The following COL4A4 variants were observed in gnomAD, a reference collection of about 807,000 sequenced individuals.
COL4A4 encodes the protein collagen type IV alpha 4 chain, also known as collagen alpha-4(IV) chain.
A neutral mutation model predicts 192.9 loss-of-function variants in COL4A4; 105 were observed. The observed-to-expected ratio is 0.54, with a 90% confidence interval of 0.46 to 0.64. COL4A4 has a LOEUF of 0.64. Among genes scored for constraint, COL4A4 ranks in the 30% least tolerant of loss-of-function variants. The pLI is 0.00. For synonymous variants in COL4A4, 762 were observed against 769.9 expected (o/e 0.99, Z 0.17); for missense variants, 1,967 against 2,169.3 (o/e 0.91, Z 1.85).
rs766803051 is a variant in COL4A4, at chr2:227,030,434, C to T, written c.3973+9G>A. On this transcript the variant is annotated intron_variant, in intron 41 of 47. Transcript: ENST00000396625. ...ATTCACATATTACTTAACGGAACAA[C>T]ATTCATACCTTTCTGGCCATCTTTT... is the stretch of plus-strand genomic sequence containing the variant. The T allele has an allele frequency of 1.9e-6, 3 of 1,614,038 alleles. No individual in the cohort carries two copies. The highest frequency in any genetic ancestry group is 2.5e-6 in the Non-Finnish European group (3 of 1,179,938).
At chr2:227,015,183 G>A (rs940894537) in intron 44 of COL4A4, among the ~76,000 whole-genome samples, 25 of 152,240 alleles carry the variant, frequency 1.6e-4, no homozygotes, top group Non-Finnish European at 3.1e-4. Flanking sequence ...TTACAGGTGT[G>A]AGCCACCACA....
intron 36 of COL4A4, among the ~76,000 whole-genome samples, chr2:227,042,560 A>AAAAC (rs146714657): frequency 2.6e-5 from 4 of 152,052 alleles, no homozygotes; most frequent in East Asian, 1.9e-4. Flanking sequence ...AAAGGAGGGG[A>AAAAC]AAACAAACAA....
intron 4 of COL4A4, among the ~76,000 whole-genome samples, chr2:227,137,974 C>A (rs1207509260): frequency 6.6e-6 from 1 of 152,010 alleles, no homozygotes; most frequent in Non-Finnish European, 1.5e-5. Context: ...TTTCTTGAAG[C>A]TTCACTTTTA....
chr2:227,010,346 C>T lies in COL4A4; in HGVS notation c.4489G>A (p.Glu1497Lys), dbSNP rs1263829643. Reference sequence around the variant, plus strand: ...TGATTGTGAGCTTTCTCTTGCCCTTCCAGGTATAACAGACTATACCCAGTC... The same window carrying T: ...TGATTGTGAGCTTTCTCTTGCCCTTTCAGGTATAACAGACTATACCCAGTC... ...LWTGYSLLYL[E>K]GQEKAHNQDL... is the part of the protein sequence containing the mutation. The change falls in exon 46 of 48, where the codon GAA (glutamate) becomes AAA (lysine). Residue 1497 changes from glutamate (E) to lysine (K), a missense_variant. By Grantham distance (56) the Glu-to-Lys change is moderately conservative (BLOSUM62 1). Coordinates refer to ENST00000396625, the MANE Select transcript of COL4A4 (RefSeq NM_000092.5). The T allele has an allele frequency of 6.2e-7, 1 of 1,614,132 alleles. No individual in the cohort carries two copies. The highest frequency in any genetic ancestry group is 1.3e-5 in the African/African-American group (1 of 74,948).
At chr2:227,117,896 G>A (rs2061577964) in intron 7 of COL4A4, among the ~76,000 whole-genome samples, 1 of 151,884 alleles carries the variant, frequency 6.6e-6, no homozygotes, top group Non-Finnish European at 1.5e-5. Context: ...ATATTTTTTT[G>A]CATTACAGGG....
At chr2:227,022,986 A>G (rs896654543) in intron 43 of COL4A4, among the ~76,000 whole-genome samples, 1 of 152,184 alleles carries the variant, frequency 6.6e-6, no homozygotes, top group African/African-American at 2.4e-5. Context: ...TAGGGCTGAA[A>G]GCACAGTTGG....
the COL4A4 span, among the ~76,000 whole-genome samples, chr2:226,991,153 G>C: frequency 6.6e-6 from 1 of 152,192 alleles, no homozygotes; most frequent in Admixed American, 6.5e-5. Context: ...ATTGAGCTCT[G>C]TATTTTAAGA....
chr2:226,974,581 T>C, the COL4A4 span, among the ~76,000 whole-genome samples: 2 of 152,196 alleles, frequency 1.3e-5, no homozygotes, highest in African/African-American at 2.4e-5. Context: ...TATTAACTTC[T>C]TTAGAGTCAC....
downstream of COL4A4, among the ~76,000 whole-genome samples, chr2:227,000,697 G>A (rs945715175): frequency 4.6e-5 from 7 of 151,816 alleles, no homozygotes; most frequent in Non-Finnish European, 1.0e-4. Context: ...CTGACCTTGG[G>A]TTTCTAGGGG....
At chr2:227,114,480 C>T in intron 8 of COL4A4, 148 bp downstream of exon 8, 1 of 748,342 alleles carries the variant, frequency 1.3e-6, no homozygotes, top group Non-Finnish European at 2.5e-6. Flanking sequence ...CACACAAAAG[C>T]ATGATGCCAT....
At chr2:227,113,135 A>G (rs1279496155) in intron 8 of COL4A4, among the ~76,000 whole-genome samples, 3 of 152,226 alleles carry the variant, frequency 2.0e-5, no homozygotes, top group Non-Finnish European at 4.4e-5. Flanking sequence ...AGGAATTACC[A>G]TATTATTTTC....
intron 4 of COL4A4, among the ~76,000 whole-genome samples, chr2:227,127,194 A>G (rs1248706186): frequency 3.9e-5 from 6 of 152,242 alleles, no homozygotes; most frequent in African/African-American, 1.4e-4. Context: ...CTACGTGCGC[A>G]TGCAACTGCC....
chr2:227,113,038 A>T (rs2061306946), intron 8 of COL4A4, among the ~76,000 whole-genome samples: 1 of 152,166 alleles, frequency 6.6e-6, no homozygotes, highest in Non-Finnish European at 1.5e-5. Context: ...ACAAATATCC[A>T]TTCAAGTCCT....
intron 4 of COL4A4, among the ~76,000 whole-genome samples, chr2:227,127,874 T>C (rs1399851248): frequency 6.6e-6 from 1 of 152,148 alleles, no homozygotes; most frequent in East Asian, 1.9e-4. Flanking sequence ...TATAAATAAA[T>C]GAAAAACTGA....
At chr2:227,016,831 T>C (rs1964980892) in intron 44 of COL4A4, among the ~76,000 whole-genome samples, 1 of 152,150 alleles carries the variant, frequency 6.6e-6, no homozygotes, top group South Asian at 2.1e-4. Flanking sequence ...TTTCAGAGTG[T>C]CCTGGACTGC....
chr2:227,127,090 A>AAATAG (rs1323537764), intron 4 of COL4A4, among the ~76,000 whole-genome samples: 1 of 152,222 alleles, frequency 6.6e-6, no homozygotes, highest in Non-Finnish European at 1.5e-5. Flanking sequence ...GCTATAAAAC[A>AAATAG]AGTTGCTGTG....
At chr2:227,119,522 T>C (rs1419417744) in intron 6 of COL4A4, among the ~76,000 whole-genome samples, 1 of 148,570 alleles carries the variant, frequency 6.7e-6, no homozygotes, top group Non-Finnish European at 1.5e-5. Context: ...ATTTTATATA[T>C]GTAAAATATA....
chr2:227,093,986 T>C (rs1053809041), intron 20 of COL4A4, 139 bp downstream of exon 20: 1 of 736,054 alleles, frequency 1.4e-6, no homozygotes, highest in African/African-American at 1.8e-5. Context: ...TCAGTTTATT[T>C]GTTTGTAAAA....
At position 227,096,087 on chromosome 2, in the gene COL4A4, G is replaced by A. The variant is rs150882273; in HGVS notation, c.1205-1798C>T. Among the ~76,000 whole-genome samples, 355 of 152,258 alleles carry A rather than the reference G, an allele frequency of 2.3e-3. 3 individuals carry two copies. Among genetic ancestry groups the A allele is most frequent in the African/African-American group, 8.4e-3 (347 of 41,548 alleles). On this transcript the variant is annotated intron_variant, in intron 19 of 47. Coordinates refer to ENST00000396625, the MANE Select transcript of COL4A4 (RefSeq NM_000092.5). ...AACTTTGACATTTCTCTATCAAAAG[G>A]TGGGTGTGTTGCCTCCCTCTGAATG...
Sources: allele counts gnomAD v4.1 joint callset (sites outside exome capture counted in the v4.1 genomes callset), GRCh38; gene constraint gnomAD v4.1.1; transcripts MANE v1.5; gene names NCBI Gene and HGNC (gene_info 2026-07-23, HGNC 2026-07-21).